TRIM58: variants seen among roughly 807,000 people sequenced by gnomAD.
TRIM58 encodes the protein tripartite motif containing 58, also known as E3 ubiquitin-protein ligase TRIM58.
In TRIM58, 38 loss-of-function variants were observed where a neutral mutation model predicts 34.1. The observed-to-expected ratio is 1.12, with a 90% CI of 0.86 to 1.46. TRIM58 has a LOEUF of 1.46. TRIM58 is among the 40% of genes most tolerant of loss of function. The pLI, the probability that TRIM58 is intolerant of heterozygous loss-of-function variation, is 0.00. For synonymous variants in TRIM58, 273 were observed against 275.7 expected (o/e 0.99, Z 0.10); for missense variants, 677 against 642.0 (o/e 1.05, Z -0.59).
In TRIM58 at chr1:247,867,843, A is replaced by G. The variant is rs1344293457; in HGVS notation, c.748-2A>G. Reference sequence around the variant, plus strand: ...CACACTGTGTTTTTCTTTCCTTTTCAGGGTGTGAGAGGAGTCCTGAGCAGG... The same window carrying G: ...CACACTGTGTTTTTCTTTCCTTTTCGGGGTGTGAGAGGAGTCCTGAGCAGG... On this transcript the variant is annotated splice_acceptor_variant, in intron 3 of 5. Coordinates refer to ENST00000366481, the MANE Select transcript of TRIM58 (RefSeq NM_015431.4). LOFTEE classifies it high-confidence loss of function. The G allele has an allele frequency of 1.2e-6, 2 of 1,614,048 alleles. No individual in the cohort carries two copies. Among genetic ancestry groups the G allele is most frequent in the Non-Finnish European group, 1.7e-6 (2 of 1,180,036 alleles).
chr1:247,871,753 T>A (rs563472595), intron 5 of TRIM58, among the ~76,000 whole-genome samples: 3 of 152,356 alleles, frequency 2.0e-5, no homozygotes, highest in Admixed American at 2.0e-4. Context: ...TTGGAATATA[T>A]CATTCAACAA....
intron 3 of TRIM58, among the ~76,000 whole-genome samples, chr1:247,866,937 T>C (rs2103327938): frequency 6.6e-6 from 1 of 152,180 alleles, no homozygotes; most frequent in East Asian, 1.9e-4. Flanking sequence ...ATTATTCCCC[T>C]GCTTTTATGT....
chr1:247,858,900 G>A (rs1254126288), intron 1 of TRIM58, among the ~76,000 whole-genome samples: 3 of 151,638 alleles, frequency 2.0e-5, no homozygotes, highest in Admixed American at 2.0e-4. Flanking sequence ...CCGGGTAGCT[G>A]GGATTACAGG....
chr1:247,879,014 C>G lies in TRIM58; in HGVS notation c.*2525C>G, dbSNP rs1463980861. Among the ~76,000 whole-genome samples the G allele has an allele frequency of 6.6e-6, 1 of 152,146 alleles. No individual in the cohort carries two copies. Among genetic ancestry groups the G allele is most frequent in the African/African-American group, 2.4e-5 (1 of 41,428 alleles). On this transcript the variant is annotated 3_prime_UTR_variant, in exon 6 of 6. Coordinates refer to ENST00000366481, the MANE Select transcript of TRIM58 (RefSeq NM_015431.4). ...CAGCAAAATCCTCGACATCCATACCCGTTTCCTGGCTTTCCCTCTCCTTTC... is the reference window on the plus strand; with the variant it reads ...CAGCAAAATCCTCGACATCCATACCGGTTTCCTGGCTTTCCCTCTCCTTTC...
In TRIM58 at chr1:247,876,566, T is replaced by A; in HGVS notation, c.*77T>A. On this transcript the variant is annotated 3_prime_UTR_variant, in exon 6 of 6. Transcript: ENST00000366481. ...GTGAAGGATATCAATATACTAAGTT[T>A]TAACAGATACCCCATTTAGGTCAGC... 2 of 1,125,078 alleles carry A rather than the reference T, an allele frequency of 1.8e-6. No individual in the cohort carries two copies. The highest frequency in any genetic ancestry group is 2.5e-6 in the Non-Finnish European group (2 of 795,410). The allele number at this position is 1,125,078 out of a possible 1,614,324, so 69.7% of individuals were successfully genotyped here.
At chr1:247,875,660 A>G (rs1659266609) in intron 5 of TRIM58, among the ~76,000 whole-genome samples, 1 of 151,904 alleles carries the variant, frequency 6.6e-6, no homozygotes, top group Non-Finnish European at 1.5e-5. Context: ...TTTTTGGGAA[A>G]GTTAAAGAGT....
intron 3 of TRIM58, among the ~76,000 whole-genome samples, chr1:247,865,550 C>T (rs894753938): frequency 6.6e-6 from 1 of 152,338 alleles, no homozygotes; most frequent in East Asian, 1.9e-4. Flanking sequence ...AAAGCAAACA[C>T]TGATTTCCTG....
At chr1:247,858,803 C>T (rs1354423726) in intron 1 of TRIM58, among the ~76,000 whole-genome samples, 1 of 124,158 alleles carries the variant, frequency 8.1e-6, no homozygotes, top group African/African-American at 3.2e-5. Flanking sequence ...TTCTGTAGCT[C>T]AGGCTGGAGG....
chr1:247,860,379 T>C (rs1251001962), intron 1 of TRIM58, among the ~76,000 whole-genome samples: 1 of 151,948 alleles, frequency 6.6e-6, no homozygotes, highest in Non-Finnish European at 1.5e-5. Context: ...GAGGATCATT[T>C]GATCCCAGGA....
chr1:247,873,752 G>C (rs961345483), intron 5 of TRIM58, among the ~76,000 whole-genome samples: 2 of 152,148 alleles, frequency 1.3e-5, no homozygotes, highest in Non-Finnish European at 2.9e-5. Context: ...TGGATTGCTT[G>C]AACCCAGGAG....
intron 2 of TRIM58, among the ~76,000 whole-genome samples, chr1:247,863,257 AG>A (rs1201303077): frequency 3.9e-5 from 6 of 152,196 alleles, no homozygotes; most frequent in African/African-American, 1.4e-4. Flanking sequence ...ACAGGCAAAT[AG>A]GCTGGGCACA....
At chr1:247,861,405 A>G (rs561844631) in intron 2 of TRIM58, among the ~76,000 whole-genome samples, 1 of 152,292 alleles carries the variant, frequency 6.6e-6, no homozygotes, top group Non-Finnish European at 1.5e-5. Context: ...TGCACCTGTC[A>G]TCTAGTAGAG....
chr1:247,857,644 A>C lies in TRIM58; in HGVS notation c.398A>C (p.Gln133Pro). Residue 133 changes from glutamine (Q) to proline (P), a missense_variant, in exon 1 of 6, where the codon CAG (glutamine) becomes CCG (proline). Coordinates refer to ENST00000366481, the MANE Select transcript of TRIM58 (RefSeq NM_015431.4). Reference sequence around the variant, plus strand: ...AGGACGCACCGCACGGCGCCGCTGCAGGAGGCCGCCGGCAGCTACCAGGTG... The same window carrying C: ...AGGACGCACCGCACGGCGCCGCTGCCGGAGGCCGCCGGCAGCTACCAGGTG... ...EHRTHRTAPL[Q>P]EAAGSYQVKL... is the part of the protein sequence containing the mutation. 1 of 1,235,156 alleles carries C rather than the reference A, an allele frequency of 8.1e-7. No homozygotes were observed. The highest frequency in any genetic ancestry group is 3.5e-5 in the South Asian group (1 of 28,830). The allele number at this position is 1,235,156 out of a possible 1,614,324, so 76.5% of individuals were successfully genotyped here. A position where few individuals can be genotyped will look rare whatever the true frequency, so the allele number is the denominator to read the frequency against.
At chr1:247,873,180 A>C (rs2103334304) in intron 5 of TRIM58, among the ~76,000 whole-genome samples, 1 of 152,270 alleles carries the variant, frequency 6.6e-6, no homozygotes, top group South Asian at 2.1e-4. Context: ...CAGTAAGCCA[A>C]GATCATGCCA....
At chr1:247,869,609 A>G (rs1325974441) in intron 5 of TRIM58, among the ~76,000 whole-genome samples, 1 of 152,226 alleles carries the variant, frequency 6.6e-6, no homozygotes. Context: ...TGTAGACCAA[A>G]TACGTACTTC....
chr1:247,869,288 T>G (rs1282258840), intron 5 of TRIM58, among the ~76,000 whole-genome samples: 1 of 152,164 alleles, frequency 6.6e-6, no homozygotes, highest in East Asian at 1.9e-4. Flanking sequence ...AACCCACCCT[T>G]AAGCCCCTCT....
In TRIM58 at chr1:247,879,702, C is replaced by T. The variant is rs896936618; in HGVS notation, c.*3213C>T. 4.6e-5 allele frequency among the ~76,000 whole-genome samples: 7 copies of T among 151,668 alleles called. No homozygotes were observed. The highest frequency in any genetic ancestry group is 1.0e-4 in the Non-Finnish European group (7 of 67,950). ...CCTCATGGCTGGGTTTCCACCAAAGCAGGCACTTCCCATCACAGGGCCATT... is the reference window on the plus strand; with the variant it reads ...CCTCATGGCTGGGTTTCCACCAAAGTAGGCACTTCCCATCACAGGGCCATT... On this transcript the variant is annotated 3_prime_UTR_variant, in exon 6 of 6. Coordinates refer to ENST00000366481, the MANE Select transcript of TRIM58 (RefSeq NM_015431.4).
chr1:247,866,798 G>A (rs192688779), intron 3 of TRIM58, among the ~76,000 whole-genome samples: 52 of 152,184 alleles, frequency 3.4e-4, no homozygotes, highest in African/African-American at 1.2e-3. Context: ...TAGAGATGAG[G>A]CTTGGTTGTG....
In TRIM58 at chr1:247,857,467, A is replaced by C; in HGVS notation, c.221A>C (p.Gln74Pro). ...FRPSGFRPNR[Q>P]LAGLVESVRR... Reference sequence around the variant, plus strand: ...CCCTCGGGCTTTCGCCCCAACCGGCAGCTGGCGGGCCTGGTGGAGAGCGTG... The same window carrying C: ...CCCTCGGGCTTTCGCCCCAACCGGCCGCTGGCGGGCCTGGTGGAGAGCGTG... The change falls in exon 1 of 6, where the codon CAG (glutamine) becomes CCG (proline). Residue 74 changes from glutamine to proline, a missense_variant. By Grantham distance (76) the Gln-to-Pro change is moderately conservative. Coordinates refer to ENST00000366481, the MANE Select transcript of TRIM58 (RefSeq NM_015431.4). 2 of 1,379,152 alleles carry C rather than the reference A, an allele frequency of 1.5e-6. No individual in the cohort carries two copies. The highest frequency in any genetic ancestry group is 9.4e-7 in the Non-Finnish European group (1 of 1,060,306). 85.4% of individuals were successfully genotyped at this position (1,379,152 alleles called of 1,614,324 possible).
Sources: gnomAD v4.1 joint callset for allele counts (sites outside exome capture counted in the v4.1 genomes callset) on GRCh38, gnomAD v4.1.1 for gene constraint, MANE v1.5 for transcripts, NCBI Gene and HGNC (gene_info 2026-07-23, HGNC 2026-07-21) for gene names.